Variants in CSMD2 observed in about 807,000 individuals in gnomAD.
CSMD2 encodes CUB and sushi domain-containing protein 2.
In CSMD2, 130 loss-of-function variants were observed where a neutral mutation model predicts 398.5. The observed-to-expected ratio is 0.33, with a 90% confidence interval of 0.28 to 0.38. The LOEUF (loss-of-function observed/expected upper bound fraction) is 0.38. Ranked by LOEUF, CSMD2 falls within the 10% of genes least tolerant of loss-of-function variation. CSMD2 has a pLI of 1.00. For missense variants in CSMD2, 3,829 were observed against 4,764.9 expected (o/e 0.80, Z 5.78); for synonymous variants, 1,828 against 1,908.5 (o/e 0.96, Z 1.10).
intron 36 of CSMD2, 121 bp downstream of exon 36, chr1:33,623,249 A>C (rs745442559): frequency 3.8e-5 from 28 of 731,482 alleles, no homozygotes; most frequent in Non-Finnish European, 6.5e-5. Flanking sequence ...TGTCCACTTG[A>C]AAATGGTGAA....
At chr1:33,520,445 A>C (rs57469281) in intron 68 of CSMD2, among the ~76,000 whole-genome samples, 52,863 of 152,018 alleles carry the variant, frequency 0.35, 9,503 homozygotes, top group African/African-American at 0.44. Flanking sequence ...CACAAGTAGA[A>C]ACTGTGGCCC....
chr1:33,897,265 G>A (rs542582962), intron 5 of CSMD2, among the ~76,000 whole-genome samples: 39 of 152,194 alleles, frequency 2.6e-4, no homozygotes, highest in African/African-American at 7.7e-4. Flanking sequence ...TACAAACGCC[G>A]GCTCAGTGCT....
At chr1:34,053,598 G>A (rs1204336672) in intron 2 of CSMD2, among the ~76,000 whole-genome samples, 1 of 152,124 alleles carries the variant, frequency 6.6e-6, no homozygotes, top group Non-Finnish European at 1.5e-5. Context: ...AGTCTGAAAA[G>A]GCATATGAAC....
rs116768968 is a variant in CSMD2, at chr1:33,634,598, G to C, written c.5086+616C>G. Among the ~76,000 whole-genome samples the C allele has an allele frequency of 8.0e-3, 1,214 of 152,296 alleles. 16 individuals carry two copies. The highest frequency in any genetic ancestry group is 0.028 in the African/African-American group (1,150 of 41,546). ...TCCTGAATGCCTCCAAGGCTGGCAG[G>C]ACTCTTGAATGTCCCCACTGCCAAC... On this transcript the variant is annotated intron_variant, in intron 31 of 70. Transcript: ENST00000373381.
Position 33,546,091 on chromosome 1 carries a change from C to G in CSMD2, c.9046G>C (p.Glu3016Gln), listed in dbSNP as rs1472510422. 6 of 1,614,162 alleles carry G rather than the reference C, an allele frequency of 3.7e-6. No individual in the cohort carries two copies. In the South Asian group the frequency reaches 4.4e-5, roughly 12 times the overall value. Residue 3016 changes from glutamate to glutamine, a missense_variant, in exon 57 of 71, where the codon GAG (glutamate) becomes CAG (glutamine). By Grantham distance (29) the Glu-to-Gln change is conservative. Around this residue, in one of 5 missense-constraint regions of CSMD2, gnomAD observed 917 missense variants for 1,199.5 expected, o/e 0.76. Transcript: ENST00000373381. ...GAGCCATTGGCTTGACAGGTGCGCTCTGACGATCCCCGGAGCACGTGGCCA... is the reference window on the plus strand; with the variant it reads ...GAGCCATTGGCTTGACAGGTGCGCTGTGACGATCCCCGGAGCACGTGGCCA... ...EAGHVLRGSS[E>Q]RTCQANGSWS...
At chr1:33,744,250 C>T (rs868324894) in intron 13 of CSMD2, among the ~76,000 whole-genome samples, 12 of 152,284 alleles carry the variant, frequency 7.9e-5, no homozygotes, top group South Asian at 6.2e-4. Context: ...ATTCCCCAGG[C>T]GGTAACCGGG....
At chr1:34,040,470 G>A (rs3125613) in intron 2 of CSMD2, among the ~76,000 whole-genome samples, 106,691 of 152,122 alleles carry the variant, frequency 0.7, 37,717 homozygotes, top group East Asian at 0.8. Context: ...TTATTGGGGT[G>A]AGTAGTTTTC....
intron 37 of CSMD2, among the ~76,000 whole-genome samples, chr1:33,619,142 AGG>A (rs1641591536): frequency 6.6e-6 from 1 of 152,240 alleles, no homozygotes; most frequent in Non-Finnish European, 1.5e-5. Flanking sequence ...TCCAGGGGCA[AGG>A]GCCAGAAGAC....
chr1:34,016,377 T>C (rs533629289), intron 3 of CSMD2, among the ~76,000 whole-genome samples: 1 of 151,982 alleles, frequency 6.6e-6, no homozygotes, highest in Non-Finnish European at 1.5e-5. Flanking sequence ...ACTGTTCAAC[T>C]CCCACTTATG....
intron 1 of CSMD2, among the ~76,000 whole-genome samples, chr1:34,098,011 C>A (rs1194582291): frequency 9.5e-6 from 1 of 105,532 alleles, no homozygotes; most frequent in Non-Finnish European, 1.8e-5. Flanking sequence ...TTGGAACCAA[C>A]CCAAATGTCC....
intron 3 of CSMD2, among the ~76,000 whole-genome samples, chr1:33,959,163 A>C (rs2125390753): frequency 6.6e-6 from 1 of 152,312 alleles, no homozygotes; most frequent in Non-Finnish European, 1.5e-5. Flanking sequence ...CCTGCTCTGA[A>C]GACTATGGAT....
At chr1:33,920,542 C>CAAAAAAAAAAAAAA (rs58865984) in intron 4 of CSMD2, among the ~76,000 whole-genome samples, 1 of 84,214 alleles carries the variant, frequency 1.2e-5, no homozygotes, top group Admixed American at 1.6e-4. Context: ...CAATCTGTCT[C>CAAAAAAAAAAAAAA]AAAAAAAAAA....
intron 5 of CSMD2, among the ~76,000 whole-genome samples, chr1:33,855,036 C>A (rs1043719342): frequency 6.6e-6 from 1 of 152,164 alleles, no homozygotes; most frequent in Non-Finnish European, 1.5e-5. Context: ...ATCTTCCCAT[C>A]GTGCTGAAGT....
intron 1 of CSMD2, among the ~76,000 whole-genome samples, chr1:34,159,982 T>C (rs758375874): frequency 6.3e-4 from 96 of 152,184 alleles, no homozygotes; most frequent in Non-Finnish European, 1.0e-3. Context: ...GACTGAGCCC[T>C]AGAGAGGCCT....
chr1:34,028,636 C>A (rs1650008475), intron 3 of CSMD2, among the ~76,000 whole-genome samples: 1 of 152,172 alleles, frequency 6.6e-6, no homozygotes. Flanking sequence ...GCCATCAGGC[C>A]CTAAGCTGCA....
chr1:34,066,967 G>A (rs1176839318), intron 2 of CSMD2, among the ~76,000 whole-genome samples: 1 of 152,144 alleles, frequency 6.6e-6, no homozygotes, highest in African/African-American at 2.4e-5. Context: ...GGACAGGATC[G>A]ATGGTATTGG....
chr1:33,855,458 G>A (rs1455591067), intron 5 of CSMD2, among the ~76,000 whole-genome samples: 1 of 152,044 alleles, frequency 6.6e-6, no homozygotes, highest in Non-Finnish European at 1.5e-5. Flanking sequence ...GCTTTCCCAG[G>A]GGAGATTTGG....
intron 13 of CSMD2, among the ~76,000 whole-genome samples, chr1:33,767,524 C>T (rs1054223862): frequency 1.3e-5 from 2 of 152,112 alleles, no homozygotes; most frequent in African/African-American, 4.8e-5. Flanking sequence ...AGGATCATCC[C>T]CAAAGGCCCT....
intron 1 of CSMD2, among the ~76,000 whole-genome samples, chr1:34,162,616 T>C (rs12118649): frequency 0.25 from 38,274 of 152,004 alleles, 5,017 homozygotes; most frequent in Admixed American, 0.34. Context: ...CCCAGCACTT[T>C]GGGAGGCAGA....
Sources: gnomAD v4.1 joint callset for allele counts (sites outside exome capture counted in the v4.1 genomes callset) on GRCh38, gnomAD v4.1.1 for gene constraint, gnomAD v4.1.1 regional missense constraint, MANE v1.5 for transcripts, NCBI Gene and HGNC (gene_info 2026-07-23, HGNC 2026-07-21) for gene names.